Variants in CUX2 observed in about 807,000 individuals in gnomAD.
CUX2 encodes cut like homeobox 2.
CUX2 carries 40 observed loss-of-function variants against 144.8 expected under a neutral mutation model. That is an observed-to-expected ratio of 0.28 (90% CI 0.21 to 0.36). The LOEUF (loss-of-function observed/expected upper bound fraction) is 0.36, where lower values mean the gene tolerates loss of function less well. Ranked by LOEUF, CUX2 falls within the 10% of genes least tolerant of loss-of-function variation. CUX2 has a pLI of 1.00. For missense variants in CUX2, 1,615 were observed against 1,994.0 expected (o/e 0.81, Z 3.62); for synonymous variants, 827 against 875.6 (o/e 0.94, Z 0.98).
chr12:111,275,712 A>T (rs1884841180), intron 4 of CUX2, among the ~76,000 whole-genome samples: 1 of 152,090 alleles, frequency 6.6e-6, no homozygotes, highest in Admixed American at 6.5e-5. Context: ...GCCTGGGTGT[A>T]CCCGGACCCA....
At chr12:111,332,128 CTTTTT>C (rs765789593) in intron 18 of CUX2, among the ~76,000 whole-genome samples, 1 of 119,600 alleles carries the variant, frequency 8.4e-6, no homozygotes, top group Non-Finnish European at 1.7e-5. Flanking sequence ...ATCTGTCTAC[CTTTTT>C]TTTTTTTTTT....
intron 18 of CUX2, among the ~76,000 whole-genome samples, chr12:111,334,062 C>T (rs1888232456): frequency 6.6e-6 from 1 of 151,388 alleles, no homozygotes; most frequent in Non-Finnish European, 1.5e-5. Context: ...TGGCGCATGC[C>T]TGTAGTCCCA....
intron 3 of CUX2, among the ~76,000 whole-genome samples, chr12:111,256,177 A>G (rs1449207055): frequency 6.6e-6 from 1 of 150,650 alleles, no homozygotes; most frequent in Non-Finnish European, 1.5e-5. Context: ...CACCAAACCT[A>G]TCTCCCACCA....
chr12:111,324,637 G>T (rs1435826406), intron 18 of CUX2, among the ~76,000 whole-genome samples: 2 of 151,800 alleles, frequency 1.3e-5, no homozygotes, highest in Non-Finnish European at 1.5e-5. Flanking sequence ...AGTAGCTGGG[G>T]TTACAGGCGT....
chr12:111,069,541 T>TGTGTGTGTGTGCGCGCGC (rs1871171395), intron 1 of CUX2, among the ~76,000 whole-genome samples: 2 of 150,946 alleles, frequency 1.3e-5, no homozygotes, highest in East Asian at 1.9e-4. Flanking sequence ...TGTGTGTGTG[T>TGTGTGTGTGTGCGCGCGC]GTGTGTGTGT....
intron 18 of CUX2, among the ~76,000 whole-genome samples, chr12:111,333,591 G>T (rs938587747): frequency 5.9e-5 from 9 of 152,100 alleles, no homozygotes; most frequent in Non-Finnish European, 1.0e-4. Context: ...TCAGATTCGG[G>T]CTGTGTACTT....
Position 111,296,556 on chromosome 12 carries a change from G to T in CUX2, c.704+17G>T. 1 of 1,605,968 alleles carries T rather than the reference G, an allele frequency of 6.2e-7. No homozygotes were observed. Among genetic ancestry groups the T allele is most frequent in the African/African-American group, 1.3e-5 (1 of 74,808 alleles). On this transcript the variant is annotated intron_variant, in intron 8 of 21. Coordinates refer to ENST00000261726, the MANE Select transcript of CUX2 (RefSeq NM_015267.4). ...AGCATCCAAGTAAGTGAGCCCTGCT[G>T]AGGTGTACCTCCTCCCTTGGAGGCC...
intron 18 of CUX2, among the ~76,000 whole-genome samples, chr12:111,330,710 T>TACATATATATATATATATATACATATAC (rs1257830853): frequency 4.2e-5 from 1 of 23,838 alleles, no homozygotes; most frequent in Admixed American, 4.1e-4. Context: ...TATATATATA[T>TACATATATATATATATATATACATATAC]ATATATATAT....
Position 111,338,292 on chromosome 12 carries a change from G to A in CUX2, c.3203G>A (p.Arg1068Gln), listed in dbSNP as rs1592985329. The A allele has an allele frequency of 2.5e-6, 4 of 1,608,116 alleles. No individual in the cohort carries two copies. The highest frequency in any genetic ancestry group is 1.3e-5 in the African/African-American group (1 of 74,904). Reference protein sequence around the residue: ...EVLTDNNLGQRLFGESILGLT... With the variant: ...EVLTDNNLGQQLFGESILGLT... ...TCCCCTCCCCTATCCCCAGGGCAGCGGCTGTTTGGGGAAAGCATCCTGGGT... is the reference window on the plus strand; with the variant it reads ...TCCCCTCCCCTATCCCCAGGGCAGCAGCTGTTTGGGGAAAGCATCCTGGGT... The change falls in exon 20 of 22, where the codon CGG becomes CAG. Residue 1068 changes from arginine (R) to glutamine (Q), a missense_variant. By Grantham distance (43) the Arg-to-Gln change is conservative. Around this residue, in one of 12 missense-constraint regions of CUX2, gnomAD observed 131 missense variants for 223.1 expected, o/e 0.59. Transcript: ENST00000261726.
intron 9 of CUX2, 54 bp downstream of exon 9, chr12:111,298,643 TG>T (rs1886136791): frequency 4.6e-6 from 7 of 1,520,834 alleles, no homozygotes; most frequent in Non-Finnish European, 5.4e-6. Context: ...CTGCCTGGGG[TG>T]GGGGTCTCGG....
intron 1 of CUX2, among the ~76,000 whole-genome samples, chr12:111,185,994 T>C (rs1429719011): frequency 6.6e-6 from 1 of 151,960 alleles, no homozygotes; most frequent in Admixed American, 6.6e-5. Context: ...TTTCTCTGTC[T>C]TTCACTCTGT....
chr12:111,174,663 C>T (rs1450499617), intron 1 of CUX2, among the ~76,000 whole-genome samples: 1 of 152,226 alleles, frequency 6.6e-6, no homozygotes, highest in African/African-American at 2.4e-5. Flanking sequence ...GGGATACTCC[C>T]AAGCTCCCCA....
chr12:111,163,870 C>A (rs752458053), intron 1 of CUX2, among the ~76,000 whole-genome samples: 1 of 152,086 alleles, frequency 6.6e-6, no homozygotes, highest in East Asian at 1.9e-4. Context: ...TCCTTAGTCC[C>A]CAACATAGAA....
intron 1 of CUX2, among the ~76,000 whole-genome samples, chr12:111,101,430 G>A (rs905661446): frequency 1.1e-4 from 16 of 152,174 alleles, no homozygotes; most frequent in African/African-American, 3.1e-4. Context: ...GGTGGCTGCC[G>A]GGCTTCTCCA....
At chr12:111,328,986 CCT>C (rs1306171857) in intron 18 of CUX2, among the ~76,000 whole-genome samples, 1 of 60,140 alleles carries the variant, frequency 1.7e-5, no homozygotes, top group Non-Finnish European at 2.6e-5. Context: ...CCCCTCTCTC[CCT>C]CTCTCCCTCT....
chr12:111,161,865 G>T (rs73415907), intron 1 of CUX2, among the ~76,000 whole-genome samples: 3,745 of 152,268 alleles, frequency 0.025, 154 homozygotes, highest in African/African-American at 0.085. Flanking sequence ...CTCTCAAGTA[G>T]CTGGGACTAC....
chr12:111,113,133 T>A (rs373856668), intron 1 of CUX2, among the ~76,000 whole-genome samples: 2 of 151,984 alleles, frequency 1.3e-5, no homozygotes, highest in South Asian at 2.1e-4. Context: ...CCGAAGTTAA[T>A]AGAGTAGGAG....
intron 3 of CUX2, among the ~76,000 whole-genome samples, chr12:111,238,272 A>G (rs1882859224): frequency 6.6e-6 from 1 of 152,230 alleles, no homozygotes; most frequent in Admixed American, 6.5e-5. Flanking sequence ...GGAAGGAGGC[A>G]GCATTTTGTA....
intron 16 of CUX2, among the ~76,000 whole-genome samples, chr12:111,317,857 A>C (rs1333931967): frequency 6.6e-6 from 1 of 152,068 alleles, no homozygotes; most frequent in African/African-American, 2.4e-5. Flanking sequence ...AAAATTAGCC[A>C]GGCCTGGTGG....
Sources: gnomAD v4.1 joint callset for allele counts (sites outside exome capture counted in the v4.1 genomes callset) on GRCh38, gnomAD v4.1.1 for gene constraint, gnomAD v4.1.1 regional missense constraint, MANE v1.5 for transcripts, NCBI Gene and HGNC (gene_info 2026-07-23, HGNC 2026-07-21) for gene names.